The following RHPN1 variants were observed in gnomAD, a reference collection of about 807,000 sequenced individuals.
RHPN1 encodes rhophilin Rho GTPase binding protein 1, also known as rhophilin-1.
A neutral mutation model predicts 74.7 loss-of-function variants in RHPN1; 77 were observed. The ratio of observed to expected loss-of-function variants is 1.03; its 90% CI spans 0.86 to 1.25. The LOEUF (loss-of-function observed/expected upper bound fraction) is 1.25, where lower values mean the gene tolerates loss of function less well. RHPN1 is among the 50% of genes most tolerant of loss of function. The pLI, the probability that RHPN1 is intolerant of heterozygous loss-of-function variation, is 0.00. For missense variants in RHPN1, 987 were observed against 932.2 expected (o/e 1.06, Z -0.77); for synonymous variants, 444 against 414.5 (o/e 1.07, Z -0.87).
rs764935123 is a variant in RHPN1, at chr8:143,380,739, G to C, written c.1367G>C (p.Arg456Pro). ...CTGGCCAAGTATGCGGAGCTCGACC[G>C]TGAGGATGACTTCTGTGAGGCTGCC... ...RSLAKYAELD[R>P]EDDFCEAAEA... Residue 456 changes from arginine (R) to proline (P), a missense_variant, in exon 11 of 15, where the codon CGT (arginine) becomes CCT (proline). Physicochemically the swap from Arg to Pro is moderately radical, Grantham distance 103. Transcript: ENST00000289013. The C allele has an allele frequency of 1.3e-6, 2 of 1,594,210 alleles. No homozygotes were observed.
At chr8:143,379,232 C>G in intron 7 of RHPN1, 83 bp from the exon 8 acceptor site, 6 of 1,432,736 alleles carry the variant, frequency 4.2e-6, no homozygotes, top group Non-Finnish European at 5.5e-6. Flanking sequence ...AGGAGCATCC[C>G]TAGCTGGCCG....
intron 1 of RHPN1, among the ~76,000 whole-genome samples, chr8:143,372,014 C>A (rs1200965682): frequency 1.3e-5 from 2 of 152,220 alleles, no homozygotes; most frequent in Admixed American, 1.3e-4. Flanking sequence ...AGTCACTTGG[C>A]CTGCAGGGAG....
rs1818614539 is a variant in RHPN1 at position 143,380,159 on chromosome 8, G to T, written c.1200G>T (p.Glu400Asp). Residue 400 changes from glutamate (E) to aspartate (D), a missense_variant, in exon 10 of 15, where the codon GAG becomes GAT. Transcript: ENST00000289013. ...GCCCTGTGCTGCCGCAGGAGCTGGAGGAGCGCAGGCAGCTTGGTAAGGCGC... is the reference window on the plus strand; with the variant it reads ...GCCCTGTGCTGCCGCAGGAGCTGGATGAGCGCAGGCAGCTTGGTAAGGCGC... ...PRGPVLPQELEERRQLGKAHL... is the reference protein window; with the variant it reads ...PRGPVLPQELDERRQLGKAHL... The T allele has an allele frequency of 6.5e-7, 1 of 1,544,734 alleles. No individual in the cohort carries two copies. The highest frequency in any genetic ancestry group is 1.4e-5 in the African/African-American group (1 of 73,046).
Position 143,378,839 on chromosome 8 carries a change from G to C in RHPN1, c.584+19G>C. The C allele has an allele frequency of 6.4e-7, 1 of 1,565,994 alleles. No homozygotes were observed. The highest frequency in any genetic ancestry group is 8.7e-7 in the Non-Finnish European group (1 of 1,155,902). On this transcript the variant is annotated intron_variant, in intron 6 of 14. Transcript: ENST00000289013. Reference sequence around the variant, plus strand: ...TCCACTGGTAGGGGCTCTGCGGGCGGAGGCACCCTGGGGAGGGGAGGCCCA... The same window carrying C: ...TCCACTGGTAGGGGCTCTGCGGGCGCAGGCACCCTGGGGAGGGGAGGCCCA...
Position 143,379,891 on chromosome 8 carries a change from G to A in RHPN1, c.1008G>A (p.Val336=), listed in dbSNP as rs1226752447. The change falls in exon 9 of 15, where the codon GTG becomes GTA. Residue 336 remains valine (V), a synonymous_variant. Transcript: ENST00000289013. ...TMAQPPVHDY[V]PVSWTALVHV... ...CCCAGCCACCCGTCCACGACTACGT[G>A]CCTGTCTCCTGGACTGCCCTGGTGC... The A allele has an allele frequency of 6.2e-7, 1 of 1,609,578 alleles. No homozygotes were observed. Among genetic ancestry groups the A allele is most frequent in the Non-Finnish European group, 8.5e-7 (1 of 1,178,516 alleles).
At chr8:143,365,512 G>A (rs1817545330), upstream of RHPN1, among the ~76,000 whole-genome samples, 2 of 152,242 alleles carry the variant, frequency 1.3e-5, no homozygotes, top group Non-Finnish European at 2.9e-5. Context: ...GCTGTGAGGA[G>A]TCCTGGCTTC....
At position 143,379,869 on chromosome 8, in the gene RHPN1, AGCCACCC is replaced by A; in HGVS notation, c.988_994del (p.Pro330SerfsTer28). 6.2e-7 allele frequency: 1 copy of A among 1,611,042 alleles called. No homozygotes were observed. The highest frequency in any genetic ancestry group is 8.5e-7 in the Non-Finnish European group (1 of 1,179,192). ...AGGCTAGTGCACCGGACCATGGCCC[AGCCACCC>A]GTCCACGACTACGTGCCTGTCTCCT... On this transcript the variant is annotated frameshift_variant, in exon 9 of 15. Transcript: ENST00000289013. LOFTEE classifies it high-confidence loss of function.
Position 143,378,956 on chromosome 8 carries a change from C to T in RHPN1, c.629C>T (p.Ala210Val). 6.4e-7 allele frequency: 1 copy of T among 1,573,546 alleles called. No individual in the cohort carries two copies. Among genetic ancestry groups the T allele is most frequent in the Non-Finnish European group, 8.6e-7 (1 of 1,160,360 alleles). ...GTCCCGGCCCAGCAGCGTGCCCTGG[C>T]CTTCGAGAAGGGCAGCGTTCTCTTC... ...TGVPAQQRAL[A>V]FEKGSVLFNI... Residue 210 changes from alanine to valine, a missense_variant, in exon 7 of 15, where the codon GCC becomes GTC. Ala to Val is a moderately conservative substitution (Grantham distance 64). Transcript: ENST00000289013.
chr8:143,378,357 C>CGGGGGGG lies in RHPN1; in HGVS notation c.459+11_459+12insGGGGGGG. The CGGGGGGG allele has an allele frequency of 1.3e-5, 20 of 1,520,734 alleles. No homozygotes were observed. The highest frequency in any genetic ancestry group is 1.7e-5 in the Non-Finnish European group (19 of 1,126,976). 94.2% of individuals were successfully genotyped at this position (1,520,734 alleles called of 1,614,324 possible). ...GAGGCCCTGCGGCAGGTGTGTGGTT[C>CGGGGGGG]CCCCGCCCACCCACCCTCCTGCAGC... On this transcript the variant is annotated intron_variant, in intron 5 of 14. Transcript: ENST00000289013.
intron 14 of RHPN1, 115 bp downstream of exon 14, chr8:143,382,083 C>CG: frequency 9.0e-7 from 1 of 1,108,198 alleles, no homozygotes; most frequent in South Asian, 1.6e-5. Context: ...CTGCAGGTAA[C>CG]CCTCCCTGGG....
intron 14 of RHPN1, 35 bp from the exon 15 acceptor site, chr8:143,382,401 T>C: frequency 2.0e-6 from 3 of 1,529,206 alleles, no homozygotes; most frequent in Non-Finnish European, 2.7e-6. Context: ...AGGCCAGCAG[T>C]GGCTGACCAC....
In RHPN1 at chr8:143,380,614, C is replaced by T. The variant is rs1163079021; in HGVS notation, c.1242C>T (p.Ile414=). 1.3e-6 allele frequency: 2 copies of T among 1,543,204 alleles called. No individual in the cohort carries two copies. Among genetic ancestry groups the T allele is most frequent in the Middle Eastern group, 1.9e-4 (1 of 5,188 alleles). Residue 414 remains isoleucine, a synonymous_variant, in exon 11 of 15, where the codon ATC becomes ATT. Coordinates refer to ENST00000289013, the MANE Select transcript of RHPN1 (RefSeq NM_052924.3). ...QLGKAHLKRA[I]LGQEEALRLH... is the part of the protein sequence containing the mutation. ...GCAAGGCACACCTGAAGCGTGCCAT[C>T]CTGGGGCAGGAGGAGGCGCTGCGGC... is the stretch of plus-strand genomic sequence containing the variant.
chr8:143,383,193 A>T lies in RHPN1; in HGVS notation c.*542A>T. On this transcript the variant is annotated 3_prime_UTR_variant, in exon 15 of 15. Transcript: ENST00000289013. ...GTCCTGTCTGTGCACAGAGCAAGGG[A>T]CTCCCCACCTCTGCGCCCTGTGCTG... 1 of 156,058 alleles carries T rather than the reference A, an allele frequency of 6.4e-6. No individual in the cohort carries two copies. Among genetic ancestry groups the T allele is most frequent in the Non-Finnish European group, 1.4e-5 (1 of 73,162 alleles). 9.7% of individuals were successfully genotyped at this position (156,058 alleles called of 1,614,324 possible).
rs1818711900 is a variant in RHPN1, at chr8:143,381,337, A to G, written c.1481A>G (p.His494Arg). ...LSQGKGPDIF[H>R]RLGPLSVFSA... ...CAGGGGAAGGGGCCTGACATCTTCC[A>G]TCGGCTGGTGAGCACACCCGTCCCC... Residue 494 changes from histidine (H) to arginine (R), a missense_variant, in exon 12 of 15, where the codon CAT becomes CGT. Physicochemically the swap from His to Arg is conservative, Grantham distance 29. Transcript: ENST00000289013. 6.2e-7 allele frequency: 1 copy of G among 1,609,654 alleles called. No individual in the cohort carries two copies. Among genetic ancestry groups the G allele is most frequent in the Non-Finnish European group, 8.5e-7 (1 of 1,178,444 alleles).
Position 143,378,356 on chromosome 8 carries a change from T to TCGGGGGGGGCC in RHPN1, c.459+11_459+12insGGGGGGGGCCC. 2 of 1,525,440 alleles carry TCGGGGGGGGCC rather than the reference T, an allele frequency of 1.3e-6. No individual in the cohort carries two copies. The highest frequency in any genetic ancestry group is 1.8e-6 in the Non-Finnish European group (2 of 1,136,350). 94.5% of individuals were successfully genotyped at this position (1,525,440 alleles called of 1,614,324 possible). On this transcript the variant is annotated intron_variant, in intron 5 of 14. Transcript: ENST00000289013. ...GGAGGCCCTGCGGCAGGTGTGTGGT[T>TCGGGGGGGGCC]CCCCCGCCCACCCACCCTCCTGCAG...
chr8:143,369,060 G>A lies in RHPN1; in HGVS notation c.60+13G>A. On this transcript the variant is annotated intron_variant, in intron 1 of 14. Transcript: ENST00000289013. ...CCCGCGGCTGCAGGTGCGCAGAACT[G>A]GCGCGGCGGCGGGAGGAGGGGCCCG... 6.8e-7 allele frequency: 1 copy of A among 1,468,632 alleles called. No individual in the cohort carries two copies. Among genetic ancestry groups the A allele is most frequent in the Admixed American group, 2.5e-5 (1 of 39,566 alleles). The allele number at this position is 1,468,632 out of a possible 1,614,324, so 91.0% of individuals were successfully genotyped here.
Position 143,379,911 on chromosome 8 carries a change from T to C in RHPN1, c.1028T>C (p.Leu343Pro). 1 of 1,604,328 alleles carries C rather than the reference T, an allele frequency of 6.2e-7. No homozygotes were observed. The highest frequency in any genetic ancestry group is 1.1e-5 in the South Asian group (1 of 89,482). ...TACGTGCCTGTCTCCTGGACTGCCC[T>C]GGTGCATGTCAAGGCCGAGTACTTC... ...HDYVPVSWTA[L>P]VHVKAEYFRS... is the part of the protein sequence containing the mutation. Residue 343 changes from leucine (L) to proline (P), a missense_variant, in exon 9 of 15, where the codon CTG becomes CCG. By Grantham distance (98) the Leu-to-Pro change is moderately conservative. Coordinates refer to ENST00000289013, the MANE Select transcript of RHPN1 (RefSeq NM_052924.3).
chr8:143,378,712 G>T lies in RHPN1; in HGVS notation c.476G>T (p.Ser159Ile). ...GCCCTGCAGGCCATGCGGACCCCCAGCCGGAATGAGTCGGGCCTGGAGCTG... is the reference window on the plus strand; with the variant it reads ...GCCCTGCAGGCCATGCGGACCCCCATCCGGAATGAGTCGGGCCTGGAGCTG... Reference protein sequence around the residue: ...EALRQAMRTPSRNESGLELLT... With the variant: ...EALRQAMRTPIRNESGLELLT... The change falls in exon 6 of 15, where the codon AGC (serine) becomes ATC (isoleucine). Residue 159 changes from serine (S) to isoleucine (I), a missense_variant. By Grantham distance (142) the Ser-to-Ile change is moderately radical. Transcript: ENST00000289013. 1 of 1,595,976 alleles carries T rather than the reference G, an allele frequency of 6.3e-7. No homozygotes were observed. Among genetic ancestry groups the T allele is most frequent in the Non-Finnish European group, 8.5e-7 (1 of 1,172,382 alleles).
chr8:143,374,269 C>A, intron 1 of RHPN1: 1 of 985,442 alleles, frequency 1.0e-6, no homozygotes, highest in Non-Finnish European at 1.2e-6. Context: ...ACGTTGGCCC[C>A]ATGAATCCGC....
Sources: gnomAD v4.1 joint callset for allele counts (sites outside exome capture counted in the v4.1 genomes callset) on GRCh38, gnomAD v4.1.1 for gene constraint, MANE v1.5 for transcripts, NCBI Gene and HGNC (gene_info 2026-07-23, HGNC 2026-07-21) for gene names.